The following ADAMTS17 variants were observed in gnomAD, a reference collection of about 807,000 sequenced individuals.
ADAMTS17 encodes the protein A disintegrin and metalloproteinase with thrombospondin motifs 17.
In ADAMTS17, 113 loss-of-function variants were observed where a neutral mutation model predicts 141.5. That is an observed-to-expected ratio of 0.80 (90% CI 0.69 to 0.93). The LOEUF is 0.93. Among genes scored for constraint, ADAMTS17 ranks in the 40% least tolerant of loss-of-function variants. The pLI is 0.00. For missense variants in ADAMTS17, 1,659 were observed against 1,517.9 expected, an observed-to-expected ratio of 1.09 and a Z score of -1.54; for synonymous variants, 768 against 630.6, an observed-to-expected ratio of 1.22 and a Z score of -3.27.
At chr15:100,124,810 C>T (rs1283326649) in intron 12 of ADAMTS17, among the ~76,000 whole-genome samples, 1 of 152,164 alleles carries the variant, frequency 6.6e-6, no homozygotes, top group Non-Finnish European at 1.5e-5. Flanking sequence ...CCCAAAATTT[C>T]CCAAGCGCCT....
chr15:100,128,541 A>C (rs1247145292), intron 12 of ADAMTS17: 1 of 152,202 alleles, frequency 6.6e-6, no homozygotes. Context: ...CCCATTCCTC[A>C]ATGATAAAAT....
At chr15:100,087,669 C>G (rs8034052) in intron 15 of ADAMTS17, among the ~76,000 whole-genome samples, 1 of 152,010 alleles carries the variant, frequency 6.6e-6, no homozygotes, top group African/African-American at 2.4e-5. Context: ...TCCTGGGATG[C>G]AAGGCTGGTT....
intron 5 of ADAMTS17, among the ~76,000 whole-genome samples, chr15:100,261,889 G>A (rs1163228750): frequency 6.6e-6 from 1 of 152,198 alleles, no homozygotes; most frequent in Non-Finnish European, 1.5e-5. Context: ...TCTGCAAACA[G>A]AACAGTATCC....
At chr15:100,083,295 A>C (rs1356152299) in intron 15 of ADAMTS17, among the ~76,000 whole-genome samples, 1 of 152,156 alleles carries the variant, frequency 6.6e-6, no homozygotes, top group Non-Finnish European at 1.5e-5. Context: ...CACAGTGTGC[A>C]AGCAGCAGGG....
intron 8 of ADAMTS17, among the ~76,000 whole-genome samples, chr15:100,179,255 A>G (rs2141517691): frequency 6.6e-6 from 1 of 152,314 alleles, no homozygotes; most frequent in South Asian, 2.1e-4. Context: ...TCTGGTAACC[A>G]TCATTCTACT....
intron 8 of ADAMTS17, among the ~76,000 whole-genome samples, chr15:100,160,099 A>T (rs2039621560): frequency 6.6e-6 from 1 of 152,168 alleles, no homozygotes; most frequent in South Asian, 2.1e-4. Flanking sequence ...GTCAAACGTT[A>T]CAAAATTTGC....
In ADAMTS17 at chr15:100,056,682, G is replaced by A. The variant is rs1383377089; in HGVS notation, c.2138-2628C>T. 3.3e-5 allele frequency among the ~76,000 whole-genome samples: 5 copies of A among 152,100 alleles called. No individual in the cohort carries two copies. The East Asian group carries it at 7.8e-4, about 24-fold the overall frequency. On this transcript the variant is annotated intron_variant, in intron 15 of 21. Coordinates refer to ENST00000268070, the MANE Select transcript of ADAMTS17 (RefSeq NM_139057.4). The stretch of plus-strand genomic sequence containing the variant: ...TGCAGCCTGGTTCCTAACAGACCAT[G>A]GACTACTGCTGGTCCGCAACCTGGG...
At chr15:100,009,549 C>T (rs1261647801) in intron 18 of ADAMTS17, among the ~76,000 whole-genome samples, 1 of 152,138 alleles carries the variant, frequency 6.6e-6, no homozygotes, top group Non-Finnish European at 1.5e-5. Context: ...AGATGTTGCT[C>T]TCATGTCACA....
rs536499750 is a variant in ADAMTS17 at position 99,987,003 on chromosome 15, G to A, written c.2949+6045C>T. 4.6e-5 allele frequency among the ~76,000 whole-genome samples: 7 copies of A among 152,322 alleles called. No individual in the cohort carries two copies. In the East Asian group the frequency reaches 1.4e-3, roughly 29 times the overall value. On this transcript the variant is annotated intron_variant, in intron 20 of 21. Coordinates refer to ENST00000268070, the MANE Select transcript of ADAMTS17 (RefSeq NM_139057.4). Reference sequence around the variant, plus strand: ...GGTTAGGGTTTGGCTGCTGGCCAAGGTCAGGATGAGGGCTAGGGGCAGGGA... The same window carrying A: ...GGTTAGGGTTTGGCTGCTGGCCAAGATCAGGATGAGGGCTAGGGGCAGGGA...
chr15:100,030,447 A>G (rs7181930), intron 18 of ADAMTS17, among the ~76,000 whole-genome samples: 15,872 of 151,880 alleles, frequency 0.1, 2,189 homozygotes, highest in African/African-American at 0.32. Context: ...CACAAATGCA[A>G]CCTCCTCACG....
At chr15:100,051,821 G>A (rs2032172308) in intron 16 of ADAMTS17, 90 bp from the exon 17 acceptor site, 5 of 1,528,840 alleles carry the variant, frequency 3.3e-6, no homozygotes, top group African/African-American at 2.7e-5. Context: ...CACTGCGGCT[G>A]TTTCTTTATG....
chr15:100,091,528 T>C (rs1165119065), intron 15 of ADAMTS17, among the ~76,000 whole-genome samples: 2 of 152,216 alleles, frequency 1.3e-5, no homozygotes, highest in African/African-American at 4.8e-5. Context: ...CAAAGTGATG[T>C]TGACCTTTAA....
chr15:100,159,568 G>C (rs2039594714), intron 8 of ADAMTS17, among the ~76,000 whole-genome samples: 1 of 152,208 alleles, frequency 6.6e-6, no homozygotes, highest in African/African-American at 2.4e-5. Context: ...GGATTTCAAT[G>C]AACTCCGCCA....
At chr15:100,154,001 C>G (rs142067305) in intron 9 of ADAMTS17, among the ~76,000 whole-genome samples, 3 of 152,162 alleles carry the variant, frequency 2.0e-5, no homozygotes, top group Non-Finnish European at 4.4e-5. Flanking sequence ...GCCAACATGG[C>G]GAAACCCCAT....
At chr15:100,257,348 C>T (rs2043360813) in intron 6 of ADAMTS17, among the ~76,000 whole-genome samples, 1 of 152,220 alleles carries the variant, frequency 6.6e-6, no homozygotes. Context: ...AGCTTCCTGC[C>T]CGACTCCACT....
rs924637469 is a variant in ADAMTS17 at position 99,993,567 on chromosome 15, G to A, written c.2797-367C>T. Among the ~76,000 whole-genome samples the A allele has an allele frequency of 6.6e-6, 1 of 152,192 alleles. No individual in the cohort carries two copies. Among genetic ancestry groups the A allele is most frequent in the African/African-American group, 2.4e-5 (1 of 41,440 alleles). ...GAGCCATGAGTGGGGCAGGGAACAG[G>A]GGCCAGCCGGAGCAAGGTGAGGCCC... is the stretch of plus-strand genomic sequence containing the variant. On this transcript the variant is annotated intron_variant, in intron 19 of 21. Transcript: ENST00000268070. This position sits in a 1 kb window ranked among gnomAD's most constrained non-coding sequence, Gnocchi z 4.3.
intron 7 of ADAMTS17, among the ~76,000 whole-genome samples, chr15:100,206,592 G>A (rs1228542783): frequency 1.3e-5 from 2 of 152,182 alleles, no homozygotes; most frequent in African/African-American, 4.8e-5. Context: ...CTTTGCTGGT[G>A]GGTTAGAATG....
chr15:100,115,170 T>G (rs1473424481), intron 13 of ADAMTS17, among the ~76,000 whole-genome samples: 1 of 152,204 alleles, frequency 6.6e-6, no homozygotes, highest in Non-Finnish European at 1.5e-5. Flanking sequence ...GAGAACCAAA[T>G]GGCAGCTCTC....
chr15:100,295,678 A>G (rs1352640031), intron 3 of ADAMTS17, among the ~76,000 whole-genome samples: 1 of 152,168 alleles, frequency 6.6e-6, no homozygotes, highest in East Asian at 1.9e-4. Flanking sequence ...CTCCTGGGTT[A>G]TATCAGCTTC....
Sources: gnomAD v4.1 joint callset for allele counts (sites outside exome capture counted in the v4.1 genomes callset) on GRCh38, gnomAD v4.1.1 for gene constraint, Gnocchi (gnomAD v3.1) non-coding constraint, MANE v1.5 for transcripts, NCBI Gene and HGNC (gene_info 2026-07-23, HGNC 2026-07-21) for gene names.